The following MCC variants were observed in gnomAD, a reference collection of about 807,000 sequenced individuals.
The protein encoded by MCC is MCC regulator of Wnt signaling pathway, also known as colorectal mutant cancer protein.
Under a neutral mutation model 116.2 loss-of-function variants are expected in MCC, and 90 were observed. That is an observed-to-expected ratio of 0.77 (90% CI 0.65 to 0.92). The LOEUF is 0.92. Among genes scored for constraint, MCC ranks in the 40% least tolerant of loss-of-function variants. MCC has a pLI of 0.00. For synonymous variants in MCC, 578 were observed against 510.5 expected (o/e 1.13, Z -1.78); for missense variants, 1,516 against 1,312.2 (o/e 1.16, Z -2.40).
chr5:113,194,669 GAAGA>G (rs965361803), intron 3 of MCC, among the ~76,000 whole-genome samples: 4 of 151,626 alleles, frequency 2.6e-5, no homozygotes, highest in Admixed American at 2.0e-4. Flanking sequence ...AAAAAGAAAA[GAAGA>G]AAGAGGAAGA....
At chr5:113,198,040 T>G (rs1022988777) in intron 3 of MCC, among the ~76,000 whole-genome samples, 31 of 152,252 alleles carry the variant, frequency 2.0e-4, no homozygotes, top group African/African-American at 6.8e-4. Flanking sequence ...CCAGCCACGC[T>G]GTGAGCCTAT....
intron 1 of MCC, among the ~76,000 whole-genome samples, chr5:113,421,477 G>A (rs1038188399): frequency 6.6e-6 from 1 of 152,042 alleles, no homozygotes; most frequent in African/African-American, 2.4e-5. Context: ...CATATTAATG[G>A]TCCATCCTCT....
At chr5:113,028,383 T>G (rs75105905) in intron 18 of MCC, among the ~76,000 whole-genome samples, 65,855 of 151,836 alleles carry the variant, frequency 0.43, 15,749 homozygotes, top group East Asian at 0.63. Flanking sequence ...AAATGCCATT[T>G]TTTTTTTTGT....
At chr5:113,144,452 C>A (rs1310184049) in intron 4 of MCC, among the ~76,000 whole-genome samples, 3 of 152,198 alleles carry the variant, frequency 2.0e-5, no homozygotes, top group Admixed American at 2.0e-4. Context: ...GTGCCAAGAG[C>A]CATATGTGCT....
At chr5:113,215,810 C>T (rs888834472) in intron 3 of MCC, among the ~76,000 whole-genome samples, 16 of 152,190 alleles carry the variant, frequency 1.1e-4, no homozygotes, top group African/African-American at 3.4e-4. Context: ...CCCTTCACTA[C>T]GAGAGAGCCT....
chr5:113,470,141 C>G (rs1177411065), intron 1 of MCC, among the ~76,000 whole-genome samples: 2 of 151,624 alleles, frequency 1.3e-5, no homozygotes, highest in Admixed American at 6.6e-5. Context: ...ATCCAATTTG[C>G]CAGTCTGTGT....
rs566726903 is a variant in MCC at position 113,227,475 on chromosome 5, C to T, written c.628-76053G>A. Among the ~76,000 whole-genome samples, 6 of 152,294 alleles carry T rather than the reference C, an allele frequency of 3.9e-5. No individual in the cohort carries two copies. The South Asian group carries it at 1.2e-3, about 32-fold the overall frequency. On this transcript the variant is annotated intron_variant, in intron 3 of 18. Coordinates refer to ENST00000408903, the MANE Select transcript of MCC (RefSeq NM_001085377.2). ...GTAACTCGAATTATTTACATGGTGC[C>T]TTCCAGCTAGAGAACATGGTTCTCA... is the stretch of plus-strand genomic sequence containing the variant.
intron 3 of MCC, among the ~76,000 whole-genome samples, chr5:113,250,472 G>A (rs959623260): frequency 6.6e-6 from 1 of 152,164 alleles, no homozygotes; most frequent in Admixed American, 6.5e-5. Context: ...CATCATCCCA[G>A]TGCAGCCTGC....
intron 4 of MCC, among the ~76,000 whole-genome samples, chr5:113,144,776 G>A (rs1759392303): frequency 6.6e-6 from 1 of 152,226 alleles, no homozygotes; most frequent in African/African-American, 2.4e-5. Flanking sequence ...CAACAAGGTT[G>A]TTGAATGCTT....
At chr5:113,346,491 C>A (rs993703831) in intron 2 of MCC, among the ~76,000 whole-genome samples, 1 of 151,988 alleles carries the variant, frequency 6.6e-6, no homozygotes, top group African/African-American at 2.4e-5. Context: ...ATCCCAGCTA[C>A]TTGGGAGGCT....
At chr5:113,201,872 A>C (rs1762695750) in intron 3 of MCC, among the ~76,000 whole-genome samples, 1 of 152,128 alleles carries the variant, frequency 6.6e-6, no homozygotes, top group Non-Finnish European at 1.5e-5. Context: ...CCAGGAATGA[A>C]GTGGTTTCCT....
chr5:113,474,068 A>G (rs1245761671), intron 1 of MCC, among the ~76,000 whole-genome samples: 1 of 152,220 alleles, frequency 6.6e-6, no homozygotes, highest in African/African-American at 2.4e-5. Flanking sequence ...CCTAATATGT[A>G]TTTTCAAAAT....
At chr5:113,039,249 G>C (rs1238789594) in intron 17 of MCC, among the ~76,000 whole-genome samples, 1 of 152,148 alleles carries the variant, frequency 6.6e-6, no homozygotes, top group Non-Finnish European at 1.5e-5. Flanking sequence ...ACGAGATCTC[G>C]CTATGTTGCC....
intron 15 of MCC, among the ~76,000 whole-genome samples, chr5:113,050,597 T>G (rs529122106): frequency 6.6e-6 from 1 of 152,334 alleles, no homozygotes; most frequent in Middle Eastern, 3.4e-3. Flanking sequence ...AAAGCCAGAA[T>G]GAAAGGTGTG....
At chr5:113,084,465 T>C (rs973714224) in intron 9 of MCC, among the ~76,000 whole-genome samples, 2 of 152,256 alleles carry the variant, frequency 1.3e-5, no homozygotes, top group Non-Finnish European at 2.9e-5. Flanking sequence ...AGCCACAAGA[T>C]GCCAGTAGCA....
chr5:113,385,134 A>G lies in MCC; in HGVS notation c.249T>C (p.Asp83=), dbSNP rs371744390. ...CCTGAAAGGAAATCTTCCCATTTTC[A>G]TCTGCTCCCAACTGGTTCATGATCT... is the stretch of plus-strand genomic sequence containing the variant. ...VAEIMNQLGA[D]ENGKISFQDF... Residue 83 remains aspartate, a synonymous_variant, in exon 2 of 19, where the codon GAT becomes GAC. Coordinates refer to ENST00000408903, the MANE Select transcript of MCC (RefSeq NM_001085377.2). 13 of 1,614,198 alleles carry G rather than the reference A, an allele frequency of 8.1e-6. No individual in the cohort carries two copies. The highest frequency in any genetic ancestry group is 1.0e-5 in the Non-Finnish European group (12 of 1,180,026).
chr5:113,428,311 T>C (rs533078210), intron 1 of MCC, among the ~76,000 whole-genome samples: 80 of 152,272 alleles, frequency 5.3e-4, no homozygotes, highest in Non-Finnish European at 4.7e-4. Context: ...CCTTATTCCC[T>C]GTAGTGGATG....
intron 3 of MCC, among the ~76,000 whole-genome samples, chr5:113,327,531 G>A (rs1436718492): frequency 2.1e-5 from 2 of 94,866 alleles, no homozygotes; most frequent in Non-Finnish European, 4.1e-5. Flanking sequence ...GGGTGACAGA[G>A]TAAGACTCAG....
intron 17 of MCC, among the ~76,000 whole-genome samples, chr5:113,035,789 T>C (rs1307362381): frequency 2.6e-5 from 4 of 152,172 alleles, no homozygotes; most frequent in Admixed American, 6.5e-5. Context: ...ATATTATTCA[T>C]TGCAAACTAA....
Sources: allele counts gnomAD v4.1 joint callset (sites outside exome capture counted in the v4.1 genomes callset), GRCh38; gene constraint gnomAD v4.1.1; transcripts MANE v1.5; gene names NCBI Gene and HGNC (gene_info 2026-07-23, HGNC 2026-07-21).